The following KRT40 variants were observed in gnomAD, a reference collection of about 807,000 sequenced individuals.
The protein encoded by KRT40 is keratin 40, also known as keratin, type I cytoskeletal 40.
In KRT40, 47 loss-of-function variants were observed where a neutral mutation model predicts 43.5. That is an observed-to-expected ratio of 1.08 (90% CI 0.86 to 1.38). KRT40 has a LOEUF of 1.38. Among genes scored for constraint, KRT40 ranks in the 40% most tolerant of loss-of-function variants. The probability of loss-of-function intolerance (pLI) is 0.00; values close to 1 mark genes in which losing one functional copy is unlikely to be tolerated. For synonymous variants in KRT40, 212 were observed against 214.0 expected (o/e 0.99, Z 0.08); for missense variants, 573 against 523.6 (o/e 1.09, Z -0.92).
chr17:40,984,669 G>A (rs1912383560), upstream of KRT40, among the ~76,000 whole-genome samples: 1 of 152,194 alleles, frequency 6.6e-6, no homozygotes, highest in South Asian at 2.1e-4. Context: ...TATGTCCACA[G>A]ATTTTGATTC....
chr17:40,983,178 G>A (rs9908522), intron 1 of KRT40, 50 bp from the exon 2 acceptor site: 223,163 of 788,510 alleles, frequency 0.28, 36,337 homozygotes, highest in African/African-American at 0.62. Flanking sequence ...AGAAACCTAA[G>A]TAAACTTCTA....
chr17:40,979,184 C>A (rs1338020209), intron 5 of KRT40, among the ~76,000 whole-genome samples, 160 bp from the exon 6 acceptor site: 1 of 152,128 alleles, frequency 6.6e-6, no homozygotes, highest in Non-Finnish European at 1.5e-5. Context: ...GTGGAGAATA[C>A]AAAGTATCTG....
chr17:40,979,243 C>T (rs945749213), intron 5 of KRT40, among the ~76,000 whole-genome samples: 13 of 152,200 alleles, frequency 8.5e-5, no homozygotes, highest in East Asian at 7.7e-4. Flanking sequence ...GGGCTGGGCG[C>T]GGTGGCTCAG....
Position 40,978,226 on chromosome 17 carries a change from T to C in KRT40, c.1267A>G (p.Ile423Val). 1 of 1,614,056 alleles carries C rather than the reference T, an allele frequency of 6.2e-7. No individual in the cohort carries two copies. Among genetic ancestry groups the C allele is most frequent in the Non-Finnish European group, 8.5e-7 (1 of 1,179,908 alleles). Reference sequence around the variant, plus strand: ...AAGCAGCAGTTTTCAACAGTGCAGATGACATAGGCTGAGCATGGCTCACAA... The same window carrying C: ...AAGCAGCAGTTTTCAACAGTGCAGACGACATAGGCTGAGCATGGCTCACAA... ...NTCEPCSAYV[I>V]CTVENCCL The change falls in exon 7 of 7, where the codon ATC (isoleucine) becomes GTC (valine). Residue 423 changes from isoleucine to valine, a missense_variant. Ile to Val is a conservative substitution (Grantham distance 29). Coordinates refer to ENST00000377755, the MANE Select transcript of KRT40 (RefSeq NM_001389244.1).
Position 40,977,966 on chromosome 17 carries a change from C to G in KRT40, c.*231G>C. The G allele has an allele frequency of 2.1e-6, 1 of 468,728 alleles. No homozygotes were observed. 29.0% of individuals were successfully genotyped at this position (468,728 alleles called of 1,614,324 possible). On this transcript the variant is annotated 3_prime_UTR_variant, in exon 7 of 7. Transcript: ENST00000377755. The stretch of plus-strand genomic sequence containing the variant: ...TATTTACCACGCTAAAGGAATAAAA[C>G]ACGTTTTATTTGGAGATGAGCAAGA...
upstream of KRT40, among the ~76,000 whole-genome samples, chr17:40,984,783 T>C (rs1011305653): frequency 3.9e-5 from 6 of 152,164 alleles, no homozygotes; most frequent in Non-Finnish European, 7.4e-5. Flanking sequence ...GTGTGATTAG[T>C]AATCTTTCAA....
At chr17:40,985,418 G>A (rs146477249), upstream of KRT40, among the ~76,000 whole-genome samples, 80 of 152,120 alleles carry the variant, frequency 5.3e-4, no homozygotes, top group African/African-American at 1.9e-3. Context: ...CTTGGTTTTA[G>A]TCGTTACATT....
chr17:40,979,241 C>T (rs990218001), intron 5 of KRT40, among the ~76,000 whole-genome samples: 6 of 152,088 alleles, frequency 3.9e-5, no homozygotes, highest in East Asian at 1.9e-4. Context: ...GCGGGCTGGG[C>T]GCGGTGGCTC....
intron 5 of KRT40, among the ~76,000 whole-genome samples, chr17:40,979,345 C>T (rs1489407157): frequency 6.6e-6 from 1 of 152,006 alleles, no homozygotes; most frequent in Non-Finnish European, 1.5e-5. Context: ...GAAACCCCGT[C>T]TCTACTAAAA....
chr17:40,985,307 T>C (rs1292972367), upstream of KRT40, among the ~76,000 whole-genome samples: 1 of 152,214 alleles, frequency 6.6e-6, no homozygotes, highest in Non-Finnish European at 1.5e-5. Flanking sequence ...GGATGAAATC[T>C]CTGGTGCCAA....
In KRT40 at chr17:40,984,318, C is replaced by G; in HGVS notation, c.-45G>C. On this transcript the variant is annotated 5_prime_UTR_variant, in exon 1 of 7. Transcript: ENST00000377755. ...GAGACTGGCTGCAAAACTTCAGTTGCCTTGACTCCAAAACTCTCCTCTCCT... is the reference window on the plus strand; with the variant it reads ...GAGACTGGCTGCAAAACTTCAGTTGGCTTGACTCCAAAACTCTCCTCTCCT... The G allele has an allele frequency of 6.8e-7, 1 of 1,462,948 alleles. No homozygotes were observed. Among genetic ancestry groups the G allele is most frequent in the Non-Finnish European group, 9.4e-7 (1 of 1,068,590 alleles). 90.6% of individuals were successfully genotyped at this position (1,462,948 alleles called of 1,614,324 possible).
rs531393020 is a variant in KRT40 at position 40,981,863 on chromosome 17, A to C, written c.687+444T>G. ...GTTGAATAGTAATAATGCCTCGAGT[A>C]GTTTTTGTTTGTTTGTTTGTTTGTT... On this transcript the variant is annotated intron_variant, in intron 3 of 6. Transcript: ENST00000377755. Among the ~76,000 whole-genome samples, 13 of 125,514 alleles carry C rather than the reference A, an allele frequency of 1.0e-4. No homozygotes were observed. In the East Asian group the frequency reaches 2.8e-3, roughly 27 times the overall value. The allele number at this position is 125,514 out of a possible 152,430, so 82.3% of individuals were successfully genotyped here. A position where few individuals can be genotyped will look rare whatever the true frequency, so the allele number is the denominator to read the frequency against.
intron 1 of KRT40, among the ~76,000 whole-genome samples, chr17:40,983,415 T>C (rs964953733): frequency 6.6e-6 from 1 of 152,182 alleles, no homozygotes; most frequent in African/African-American, 2.4e-5. Flanking sequence ...CATCAGTAGT[T>C]TGTATTATGA....
At position 40,979,007 on chromosome 17, in the gene KRT40, G is replaced by A. The variant is rs750974146; in HGVS notation, c.993C>T (p.Cys331=). The change falls in exon 6 of 7, where the codon TGC becomes TGT. Residue 331 remains cysteine (C), a synonymous_variant. Transcript: ENST00000377755. ...AQQSLTESLE[C]TVAETEAQYS... ...ACTGGGCCTCGGTTTCTGCCACGGTGCATTCCAGAGATTCTGTCTGCGGGA... is the reference window on the plus strand; with the variant it reads ...ACTGGGCCTCGGTTTCTGCCACGGTACATTCCAGAGATTCTGTCTGCGGGA... 6.2e-7 allele frequency: 1 copy of A among 1,613,468 alleles called. No homozygotes were observed. Among genetic ancestry groups the A allele is most frequent in the East Asian group, 2.2e-5 (1 of 44,858 alleles).
chr17:40,984,153 A>T lies in KRT40; in HGVS notation c.121T>A (p.Ser41Thr). 1 of 1,614,122 alleles carries T rather than the reference A, an allele frequency of 6.2e-7. No individual in the cohort carries two copies. The highest frequency in any genetic ancestry group is 8.5e-7 in the Non-Finnish European group (1 of 1,180,030). ...TACLPGTCAT[S>T]RCQTPSFLSR... ...AGGAAGCTTGGAGTCTGACATCGGGATGTAGCACAGGTACCGGGGAGACAA... is the reference window on the plus strand; with the variant it reads ...AGGAAGCTTGGAGTCTGACATCGGGTTGTAGCACAGGTACCGGGGAGACAA... The change falls in exon 1 of 7, where the codon TCC becomes ACC. Residue 41 changes from serine (S) to threonine (T), a missense_variant. Ser to Thr is a moderately conservative substitution (Grantham distance 58). Coordinates refer to ENST00000377755, the MANE Select transcript of KRT40 (RefSeq NM_001389244.1).
upstream of KRT40, chr17:40,986,832 T>C (rs1389802686): frequency 6.6e-6 from 1 of 152,168 alleles, no homozygotes; most frequent in East Asian, 1.9e-4. Context: ...TTTCCTAAAA[T>C]ACAAACCTGC....
intron 1 of KRT40, 64 bp downstream of exon 1, chr17:40,983,763 T>C: frequency 6.7e-7 from 1 of 1,498,768 alleles, no homozygotes; most frequent in Non-Finnish European, 9.2e-7. Context: ...CAGCCCCTTC[T>C]AGTAGAAAGA....
At chr17:40,986,539 A>G (rs1347237155), upstream of KRT40, among the ~76,000 whole-genome samples, 4 of 152,030 alleles carry the variant, frequency 2.6e-5, no homozygotes, top group Non-Finnish European at 5.9e-5. Context: ...CTTCCTTGCA[A>G]CGTATTTTCA....
rs1414281153 is a variant in KRT40 at position 40,981,689 on chromosome 17, C to A, written c.688-538G>T. The stretch of plus-strand genomic sequence containing the variant: ...GATTTTCATACCCTGTGGACTGGAG[C>A]TAGGGGTGGCATAAAGCCTCCAAAG... On this transcript the variant is annotated intron_variant, in intron 3 of 6. Transcript: ENST00000377755. Among the ~76,000 whole-genome samples, 3 of 152,212 alleles carry A rather than the reference C, an allele frequency of 2.0e-5. No homozygotes were observed. In the East Asian group the frequency reaches 5.8e-4, roughly 29 times the overall value.
Sources: allele counts gnomAD v4.1 joint callset (sites outside exome capture counted in the v4.1 genomes callset), GRCh38; gene constraint gnomAD v4.1.1; transcripts MANE v1.5; gene names NCBI Gene and HGNC (gene_info 2026-07-23, HGNC 2026-07-21).